SMAP1: variants seen among roughly 807,000 people sequenced by gnomAD.
SMAP1 encodes the protein small ArfGAP 1.
SMAP1 carries 24 observed loss-of-function variants against 58.5 expected under a neutral mutation model. The observed-to-expected ratio is 0.41, with a 90% CI of 0.30 to 0.58. The LOEUF is 0.58. Ranked by LOEUF, SMAP1 falls within the 20% of genes least tolerant of loss-of-function variation. The pLI is 0.29. For missense variants in SMAP1, 563 were observed against 566.3 expected (o/e 0.99, Z 0.06); for synonymous variants, 216 against 196.6 (o/e 1.10, Z -0.82).
intron 2 of SMAP1, among the ~76,000 whole-genome samples, chr6:70,739,744 T>C (rs1765742927): frequency 6.6e-6 from 1 of 152,138 alleles, no homozygotes. Context: ...AATGGCAATA[T>C]TTATCATTTG....
intron 1 of SMAP1, among the ~76,000 whole-genome samples, chr6:70,716,031 C>CT (rs1360532081): frequency 2.0e-5 from 3 of 152,196 alleles, no homozygotes; most frequent in Non-Finnish European, 4.4e-5. Context: ...AAATGGTCTC[C>CT]AATCCCATCC....
At chr6:70,854,251 A>G (rs982021094) in intron 8 of SMAP1, among the ~76,000 whole-genome samples, 2 of 152,224 alleles carry the variant, frequency 1.3e-5, no homozygotes, top group Non-Finnish European at 2.9e-5. Context: ...GTTAGACTGT[A>G]CAAGTTATGT....
chr6:70,860,125 C>A (rs1355531449), intron 10 of SMAP1, 75 bp from the exon 11 acceptor site: 1 of 1,474,000 alleles, frequency 6.8e-7, no homozygotes, highest in African/African-American at 1.4e-5. Flanking sequence ...AAAAAATGAC[C>A]AACTGTGTGG....
intron 6 of SMAP1, among the ~76,000 whole-genome samples, chr6:70,823,714 G>T (rs1170980865): frequency 6.6e-6 from 1 of 151,850 alleles, no homozygotes; most frequent in Non-Finnish European, 1.5e-5. Flanking sequence ...ATGTTATGCA[G>T]ATTGTTAGGC....
At chr6:70,812,959 C>CTT (rs146983009) in intron 6 of SMAP1, among the ~76,000 whole-genome samples, 9 of 150,768 alleles carry the variant, frequency 6.0e-5, no homozygotes, top group African/African-American at 1.9e-4. Context: ...AGCCTCATTT[C>CTT]TTTTTTTTTA....
intron 6 of SMAP1, among the ~76,000 whole-genome samples, chr6:70,806,052 A>C (rs946879326): frequency 6.6e-6 from 1 of 152,200 alleles, no homozygotes; most frequent in African/African-American, 2.4e-5. Flanking sequence ...GCTGTCAGAC[A>C]GGCACGTTTA....
chr6:70,793,137 C>T (rs1433269663), intron 5 of SMAP1, among the ~76,000 whole-genome samples: 2 of 152,032 alleles, frequency 1.3e-5, no homozygotes, highest in Non-Finnish European at 2.9e-5. Context: ...TGGGTTCAAG[C>T]GACTCTCCTG....
At chr6:70,854,152 G>A (rs567632131) in intron 8 of SMAP1, among the ~76,000 whole-genome samples, 1 of 152,214 alleles carries the variant, frequency 6.6e-6, no homozygotes, top group South Asian at 2.1e-4. Context: ...CAGACTTTAG[G>A]CATTCTGAGC....
chr6:70,788,504 A>T lies in SMAP1; in HGVS notation c.415-3185A>T, dbSNP rs561759565. Among the ~76,000 whole-genome samples, 4 of 152,256 alleles carry T rather than the reference A, an allele frequency of 2.6e-5. No homozygotes were observed. The South Asian group carries it at 8.3e-4, about 32-fold the overall frequency. Reference sequence around the variant, plus strand: ...AACTTACATATTAGGGAAATATTATAGGAGGTGCGTACTCCAGACTCTATA... The same window carrying T: ...AACTTACATATTAGGGAAATATTATTGGAGGTGCGTACTCCAGACTCTATA... On this transcript the variant is annotated intron_variant, in intron 4 of 10. Transcript: ENST00000370455.
chr6:70,857,475 A>AC (rs951661742), intron 9 of SMAP1: 2 of 171,264 alleles, frequency 1.2e-5, no homozygotes, highest in African/African-American at 4.8e-5. Context: ...AATCTTTCAC[A>AC]CCATTTCCTT....
chr6:70,840,517 C>T, intron 7 of SMAP1, among the ~76,000 whole-genome samples: 1 of 152,142 alleles, frequency 6.6e-6, no homozygotes, highest in South Asian at 2.1e-4. Flanking sequence ...ATTCAACTCC[C>T]ATTGTAGTGT....
chr6:70,764,065 A>G (rs1582135965), intron 3 of SMAP1, among the ~76,000 whole-genome samples: 1 of 149,186 alleles, frequency 6.7e-6, no homozygotes, highest in Non-Finnish European at 1.5e-5. Flanking sequence ...CATGCACACT[A>G]CCATGCCCAG....
chr6:70,832,779 G>T (rs1770415142), intron 6 of SMAP1, among the ~76,000 whole-genome samples: 1 of 152,172 alleles, frequency 6.6e-6, no homozygotes, highest in Non-Finnish European at 1.5e-5. Context: ...ACCTATGCCT[G>T]TGGTAATGAT....
intron 6 of SMAP1, among the ~76,000 whole-genome samples, chr6:70,804,087 G>A (rs190768897): frequency 1.4e-4 from 21 of 152,220 alleles, no homozygotes; most frequent in Admixed American, 1.0e-3. Context: ...TGACAGTGGG[G>A]TGTTAAAGTC....
At chr6:70,714,438 G>C (rs1170898451) in intron 1 of SMAP1, among the ~76,000 whole-genome samples, 1 of 151,892 alleles carries the variant, frequency 6.6e-6, no homozygotes, top group East Asian at 1.9e-4. Context: ...TCTGTGTTAA[G>C]CTGATAACAG....
At chr6:70,813,799 G>A (rs553416674) in intron 6 of SMAP1, among the ~76,000 whole-genome samples, 13 of 152,008 alleles carry the variant, frequency 8.6e-5, no homozygotes, top group Middle Eastern at 6.8e-3. Context: ...CACATAAAAT[G>A]GTTAAGATGG....
At chr6:70,764,040 G>A (rs962109430) in intron 3 of SMAP1, among the ~76,000 whole-genome samples, 3 of 151,950 alleles carry the variant, frequency 2.0e-5, no homozygotes, top group East Asian at 1.9e-4. Flanking sequence ...AGCCTCCTGA[G>A]TAGCTGGAAC....
chr6:70,702,361 T>C (rs1767665009), intron 1 of SMAP1, among the ~76,000 whole-genome samples: 1 of 150,936 alleles, frequency 6.6e-6, no homozygotes, highest in Non-Finnish European at 1.5e-5. Context: ...CTGAAACTGC[T>C]GCAGAGCTCA....
At chr6:70,735,107 T>G (rs1226739998) in intron 2 of SMAP1, 2 of 152,254 alleles carry the variant, frequency 1.3e-5, no homozygotes, top group Admixed American at 1.3e-4. Context: ...ATTGTTTTAC[T>G]CTGAAAATAA....
Sources: gnomAD v4.1 joint callset for allele counts (sites outside exome capture counted in the v4.1 genomes callset) on GRCh38, gnomAD v4.1.1 for gene constraint, MANE v1.5 for transcripts, NCBI Gene and HGNC (gene_info 2026-07-23, HGNC 2026-07-21) for gene names.